The following YAP1 variants were observed in gnomAD, a reference collection of about 807,000 sequenced individuals.
YAP1 encodes the protein Yes1 associated transcriptional regulator, also known as transcriptional coactivator YAP1.
Under a neutral mutation model 56.9 loss-of-function variants are expected in YAP1, and 5 were observed. The observed-to-expected ratio is 0.09, with a 90% CI of 0.05 to 0.18. The LOEUF is 0.18. Among genes scored for constraint, YAP1 ranks in the 10% least tolerant of loss-of-function variants. YAP1 has a pLI of 1.00. For missense variants in YAP1, 539 were observed against 651.8 expected (o/e 0.83, Z 1.88); for synonymous variants, 265 against 248.1 (o/e 1.07, Z -0.64).
chr11:102,223,695 G>A lies in YAP1; in HGVS notation c.1106G>A (p.Gly369Glu), dbSNP rs955087272. 1.9e-6 allele frequency: 3 copies of A among 1,614,110 alleles called. No homozygotes were observed. Among genetic ancestry groups the A allele is most frequent in the African/African-American group, 1.3e-5 (1 of 75,028 alleles). Residue 369 changes from glycine (G) to glutamate (E), a missense_variant, in exon 7 of 9, where the codon GGG becomes GAG. By Grantham distance (98) the Gly-to-Glu change is moderately conservative. Coordinates refer to ENST00000282441, the MANE Select transcript of YAP1 (RefSeq NM_001130145.3). ...GGTQNPVSSP[G>E]MSQELRTMTT... ...ACTCAAAATCCAGTGTCTTCTCCCG[G>A]GATGTCTCAGGAATTGAGAACAATG...
intron 5 of YAP1, among the ~76,000 whole-genome samples, chr11:102,208,856 A>G (rs1004407000): frequency 6.6e-6 from 1 of 152,156 alleles, no homozygotes; most frequent in Admixed American, 6.5e-5. Flanking sequence ...GCCATTCGCC[A>G]TTTTGTTTTA....
At chr11:102,114,887 A>G (rs796191776) in intron 2 of YAP1, among the ~76,000 whole-genome samples, 4 of 152,284 alleles carry the variant, frequency 2.6e-5, no homozygotes, top group African/African-American at 9.6e-5. Flanking sequence ...GTGAAATGAC[A>G]AGCACTACAA....
intron 2 of YAP1, among the ~76,000 whole-genome samples, chr11:102,155,743 G>C (rs551401626): frequency 6.6e-6 from 1 of 152,112 alleles, no homozygotes; most frequent in Non-Finnish European, 1.5e-5. Context: ...TTGGGTGGCC[G>C]AAGCCCTGTT....
chr11:102,161,344 CTACA>C (rs953196823), intron 2 of YAP1, among the ~76,000 whole-genome samples: 1 of 97,042 alleles, frequency 1.0e-5, no homozygotes, highest in African/African-American at 4.2e-5. Context: ...TGTACTTTCA[CTACA>C]CACACACACA....
chr11:102,156,459 C>G (rs1463033339), intron 2 of YAP1, among the ~76,000 whole-genome samples: 1 of 152,192 alleles, frequency 6.6e-6, no homozygotes, highest in Non-Finnish European at 1.5e-5. Context: ...AGCAGACTTT[C>G]TGTAACTAAA....
chr11:102,198,113 G>A (rs996331611), intron 4 of YAP1, among the ~76,000 whole-genome samples: 2 of 152,214 alleles, frequency 1.3e-5, no homozygotes, highest in African/African-American at 4.8e-5. Context: ...AAAGCCAAAA[G>A]TACTCACAAT....
intron 2 of YAP1, among the ~76,000 whole-genome samples, chr11:102,150,180 C>T (rs1945553123): frequency 6.6e-6 from 1 of 151,810 alleles, no homozygotes; most frequent in Non-Finnish European, 1.5e-5. Context: ...GACGAGGTTT[C>T]ACCATGTTGG....
At chr11:102,166,387 T>TACCTCATG (rs1946612297) in intron 3 of YAP1, among the ~76,000 whole-genome samples, 1 of 152,250 alleles carries the variant, frequency 6.6e-6, no homozygotes, top group African/African-American at 2.4e-5. Flanking sequence ...AATCTTGATA[T>TACCTCATG]ACCTCATGTT....
At chr11:102,118,107 C>T (rs948573659) in intron 2 of YAP1, among the ~76,000 whole-genome samples, 1 of 152,076 alleles carries the variant, frequency 6.6e-6, no homozygotes, top group Admixed American at 6.5e-5. Flanking sequence ...TATAATGTAC[C>T]ATGTAGGACC....
At chr11:102,186,847 T>TGTGTGTGTGTGTGTG (rs1555013227) in intron 4 of YAP1, among the ~76,000 whole-genome samples, 34 of 151,426 alleles carry the variant, frequency 2.2e-4, no homozygotes, top group Non-Finnish European at 3.0e-4. Flanking sequence ...TGTGTGTGTG[T>TGTGTGTGTGTGTGTG]TTTAAACTGT....
chr11:102,209,057 A>C (rs897087123), intron 5 of YAP1, among the ~76,000 whole-genome samples: 1 of 152,096 alleles, frequency 6.6e-6, no homozygotes, highest in African/African-American at 2.4e-5. Context: ...GTCTTTTCTT[A>C]TGTTGAAGTT....
chr11:102,203,092 C>A (rs184806179), intron 4 of YAP1, among the ~76,000 whole-genome samples: 29 of 152,228 alleles, frequency 1.9e-4, no homozygotes, highest in Non-Finnish European at 4.0e-4. Context: ...GTCCTCAGAG[C>A]GCTGGCATGA....
Position 102,227,463 on chromosome 11 carries a change from A to G in YAP1, c.1164-6A>G, listed in dbSNP as rs777284328. The stretch of plus-strand genomic sequence containing the variant: ...GTGTTGGTCTTTAACTGTCATGTTT[A>G]TGTAGTGGCACCTATCACTCTCGAG... On this transcript the variant is annotated splice_polypyrimidine_tract_variant and splice_region_variant and intron_variant, in intron 7 of 8. Transcript: ENST00000282441. The G allele has an allele frequency of 2.8e-5, 45 of 1,606,524 alleles. No individual in the cohort carries two copies. In the East Asian group the frequency reaches 1.0e-3, roughly 36 times the overall value.
At chr11:102,132,885 A>G (rs866193008) in intron 2 of YAP1, among the ~76,000 whole-genome samples, 18 of 152,184 alleles carry the variant, frequency 1.2e-4, no homozygotes, top group Middle Eastern at 3.2e-3. Flanking sequence ...GGGGCCCGGC[A>G]TAGTGGTTCA....
chr11:102,148,832 A>G (rs1194691105), intron 2 of YAP1, among the ~76,000 whole-genome samples: 1 of 152,158 alleles, frequency 6.6e-6, no homozygotes, highest in African/African-American at 2.4e-5. Flanking sequence ...TAAAAGCCAA[A>G]AGAACAAATA....
chr11:102,135,273 C>G (rs547021052), intron 2 of YAP1, among the ~76,000 whole-genome samples: 19 of 152,190 alleles, frequency 1.2e-4, no homozygotes, highest in Non-Finnish European at 2.6e-4. Flanking sequence ...TACTGCATAA[C>G]AAACTACCCT....
intron 8 of YAP1, 105 bp from the exon 9 acceptor site, chr11:102,229,597 T>C: frequency 9.9e-7 from 1 of 1,009,400 alleles, no homozygotes; most frequent in Non-Finnish European, 1.5e-6. Context: ...TTTAGGTCAG[T>C]CAGGAGCGCT....
chr11:102,153,900 C>G (rs1378512594), intron 2 of YAP1, among the ~76,000 whole-genome samples: 1 of 151,982 alleles, frequency 6.6e-6, no homozygotes, highest in Non-Finnish European at 1.5e-5. Flanking sequence ...AACCCACCTT[C>G]TGTGTAATCC....
intron 7 of YAP1, among the ~76,000 whole-genome samples, chr11:102,225,410 G>T (rs558846591): frequency 6.6e-6 from 1 of 152,060 alleles, no homozygotes; most frequent in Non-Finnish European, 1.5e-5. Context: ...GCTTGAACCC[G>T]GGAGGCAGAG....
Sources: allele counts gnomAD v4.1 joint callset (sites outside exome capture counted in the v4.1 genomes callset), GRCh38; gene constraint gnomAD v4.1.1; transcripts MANE v1.5; gene names NCBI Gene and HGNC (gene_info 2026-07-23, HGNC 2026-07-21).